Variants in IL1RAPL1 observed in about 807,000 individuals in gnomAD.
IL1RAPL1 encodes interleukin-1 receptor accessory protein-like 1.
IL1RAPL1 carries 3 observed loss-of-function variants against 48.4 expected under a neutral mutation model. That is an observed-to-expected ratio of 0.06 (90% confidence interval 0.03 to 0.16). IL1RAPL1 has a LOEUF of 0.16. Among genes scored for constraint, IL1RAPL1 ranks in the 10% least tolerant of loss-of-function variants. The pLI, the probability that IL1RAPL1 is intolerant of heterozygous loss-of-function variation, is 1.00. For synonymous variants in IL1RAPL1, 185 were observed against 187.7 expected (o/e 0.99, Z 0.12); for missense variants, 349 against 530.6 (o/e 0.66, Z 3.36).
At chrX:29,152,082 G>A (rs139400654) in intron 2 of IL1RAPL1, among the ~76,000 whole-genome samples, 4,895 of 111,374 alleles carry the variant, frequency 0.044, 90 homozygotes, top group Middle Eastern at 0.074. Flanking sequence ...CAATCATGGC[G>A]GAAGGCAAAA....
chrX:28,748,863 C>A (rs1936008503), intron 1 of IL1RAPL1, among the ~76,000 whole-genome samples: 1 of 111,674 alleles, frequency 9.0e-6, no homozygotes, highest in Non-Finnish European at 1.9e-5. Context: ...ATTCACCCTA[C>A]TGTGCAATAT....
At chrX:29,408,577 C>T (rs975835601) in intron 5 of IL1RAPL1, among the ~76,000 whole-genome samples, 15 of 111,078 alleles carry the variant, frequency 1.4e-4, no homozygotes, top group South Asian at 1.1e-3. Context: ...AAAACTGATT[C>T]GAAAAGAAGC....
intron 3 of IL1RAPL1, among the ~76,000 whole-genome samples, chrX:29,318,325 G>T (rs180980347): frequency 3.6e-5 from 4 of 112,413 alleles, no homozygotes; most frequent in Non-Finnish European, 5.6e-5. Context: ...GATTATAGAG[G>T]CTAGAGTCAC....
At chrX:28,950,624 G>A (rs1391134535) in intron 2 of IL1RAPL1, among the ~76,000 whole-genome samples, 1 of 107,229 alleles carries the variant, frequency 9.3e-6, no homozygotes, top group Non-Finnish European at 1.9e-5. Context: ...CTTGAGCAGT[G>A]GTTTGTAGTT....
Position 29,227,309 on chromosome X carries a change from CA to C in IL1RAPL1, c.83-55618del, listed in dbSNP as rs1159315134. On this transcript the variant is annotated intron_variant, in intron 2 of 10. Transcript: ENST00000378993. ...TATTAAGAAAGCTTTGCCTCCTTTT[CA>C]AAAAAAAAAAGCTAAAAAGGAAAGT... 1.3e-3 allele frequency among the ~76,000 whole-genome samples: 126 copies of C among 94,658 alleles called. 1 individual carries two copies. Among genetic ancestry groups the C allele is most frequent in the African/African-American group, 2.4e-3 (62 of 26,264 alleles). 82.2% of individuals were successfully genotyped at this position (94,658 alleles called of 115,157 possible).
intron 9 of IL1RAPL1, among the ~76,000 whole-genome samples, chrX:29,942,996 A>G (rs1188104097): frequency 2.7e-5 from 3 of 110,203 alleles, no homozygotes; most frequent in Non-Finnish European, 5.7e-5. Context: ...AAATGAGGCA[A>G]TTGCCTATGT....
intron 6 of IL1RAPL1, among the ~76,000 whole-genome samples, chrX:29,808,420 C>T (rs1413330793): frequency 9.0e-6 from 1 of 111,149 alleles, no homozygotes; most frequent in Non-Finnish European, 1.9e-5. Flanking sequence ...TCCAATAATA[C>T]CAATGTTTTA....
chrX:28,867,430 C>A (rs746290020), intron 2 of IL1RAPL1, among the ~76,000 whole-genome samples: 1 of 111,868 alleles, frequency 8.9e-6, no homozygotes, highest in Non-Finnish European at 1.9e-5. Context: ...CTGATGACTT[C>A]ATTGAAGTGC....
chrX:29,608,643 G>A (rs995584794), intron 5 of IL1RAPL1, among the ~76,000 whole-genome samples: 25 of 106,589 alleles, frequency 2.3e-4, no homozygotes, highest in South Asian at 8.8e-4. Flanking sequence ...TGGCTAACAC[G>A]GTGAAACCCC....
intron 5 of IL1RAPL1, among the ~76,000 whole-genome samples, chrX:29,571,824 C>T (rs910301699): frequency 4.5e-5 from 5 of 111,486 alleles, no homozygotes; most frequent in Non-Finnish European, 7.5e-5. Context: ...TGTCACCATC[C>T]TCTGTAACGC....
intron 6 of IL1RAPL1, among the ~76,000 whole-genome samples, chrX:29,763,941 A>G (rs193291372): frequency 1.8e-4 from 20 of 110,953 alleles, no homozygotes; most frequent in Admixed American, 1.7e-3. Context: ...GGCAGTATTT[A>G]ATACATTAAT....
At position 29,713,864 on chromosome X, in the gene IL1RAPL1, A is replaced by C. The variant is rs1456702239; in HGVS notation, c.778+45360A>C. On this transcript the variant is annotated intron_variant, in intron 6 of 10. Transcript: ENST00000378993. The stretch of plus-strand genomic sequence containing the variant: ...ATAGCACAGTGTTGAAACATTTGAA[A>C]CAAATTTATTGATATAGTTTTTTTT... Among the ~76,000 whole-genome samples the C allele has an allele frequency of 2.7e-5, 3 of 112,176 alleles. No homozygotes were observed. The East Asian group carries it at 8.3e-4, about 31-fold the overall frequency.
At chrX:29,614,950 C>T (rs758498042) in intron 5 of IL1RAPL1, among the ~76,000 whole-genome samples, 28 of 103,485 alleles carry the variant, frequency 2.7e-4, no homozygotes, top group African/African-American at 8.0e-4. Context: ...AGCAACAGAG[C>T]GAGACTCCGT....
chrX:29,543,915 A>G (rs974858522), intron 5 of IL1RAPL1, among the ~76,000 whole-genome samples: 1 of 111,682 alleles, frequency 9.0e-6, no homozygotes, highest in African/African-American at 3.3e-5. Context: ...AGGAAACAGA[A>G]GAGTCCAAAT....
rs149101734 is a variant in IL1RAPL1 at position 29,715,802 on chromosome X, A to G, written c.778+47298A>G. On this transcript the variant is annotated intron_variant, in intron 6 of 10. Coordinates refer to ENST00000378993, the MANE Select transcript of IL1RAPL1 (RefSeq NM_014271.4). ...GTTTCTGGTCTCTTTAATTCAATCT[A>G]TCTATTCAATAAACTTGCATTGAAT... is the stretch of plus-strand genomic sequence containing the variant. Among the ~76,000 whole-genome samples, 7 of 112,245 alleles carry G rather than the reference A, an allele frequency of 6.2e-5. No individual in the cohort carries two copies. In the East Asian group the frequency reaches 2.0e-3, roughly 31 times the overall value.
At chrX:29,753,731 A>G (rs751050361) in intron 6 of IL1RAPL1, among the ~76,000 whole-genome samples, 46 of 111,739 alleles carry the variant, frequency 4.1e-4, no homozygotes, top group Middle Eastern at 4.6e-3. Flanking sequence ...ACCCTTAATA[A>G]TAATATTTAT....
intron 9 of IL1RAPL1, among the ~76,000 whole-genome samples, chrX:29,945,551 A>C (rs983130959): frequency 1.8e-5 from 2 of 112,734 alleles, no homozygotes; most frequent in African/African-American, 6.4e-5. Flanking sequence ...CAATATGATA[A>C]TAATAGATTC....
At chrX:29,744,555 A>G (rs572630868) in intron 6 of IL1RAPL1, among the ~76,000 whole-genome samples, 1 of 112,330 alleles carries the variant, frequency 8.9e-6, no homozygotes, top group African/African-American at 3.2e-5. Flanking sequence ...ATTATCATTT[A>G]TAAAATCATA....
intron 2 of IL1RAPL1, among the ~76,000 whole-genome samples, chrX:29,208,188 A>G (rs1930700450): frequency 8.9e-6 from 1 of 111,799 alleles, no homozygotes; most frequent in Admixed American, 9.6e-5. Flanking sequence ...CTGGTTTGTC[A>G]GTGGTGAAAA....
Sources: allele counts gnomAD v4.1 joint callset (sites outside exome capture counted in the v4.1 genomes callset), GRCh38; gene constraint gnomAD v4.1.1; transcripts MANE v1.5; gene names NCBI Gene and HGNC (gene_info 2026-07-23, HGNC 2026-07-21).